LRRC59: variants seen among roughly 807,000 people sequenced by gnomAD.
LRRC59 encodes leucine-rich repeat-containing protein 59.
LRRC59 carries 18 observed loss-of-function variants against 33.5 expected under a neutral mutation model. The observed-to-expected ratio is 0.54, with a 90% CI of 0.37 to 0.80. The LOEUF is 0.80. LRRC59 is among the 30% of genes least tolerant of loss of function. The probability of loss-of-function intolerance (pLI) is 0.00; values close to 1 mark genes in which losing one functional copy is unlikely to be tolerated. For missense variants in LRRC59, 330 were observed against 391.9 expected (o/e 0.84, Z 1.33); for synonymous variants, 138 against 160.0 (o/e 0.86, Z 1.04).
intron 4 of LRRC59, among the ~76,000 whole-genome samples, chr17:50,389,452 A>G (rs1480524165): frequency 6.6e-6 from 1 of 152,178 alleles, no homozygotes; most frequent in Non-Finnish European, 1.5e-5. Flanking sequence ...TCTGATCGAG[A>G]AAACAGAGAT....
intron 4 of LRRC59, among the ~76,000 whole-genome samples, chr17:50,390,467 G>A (rs1567821685): frequency 1.3e-5 from 2 of 151,848 alleles, no homozygotes; most frequent in Admixed American, 6.6e-5. Context: ...CCTCCAGCTT[G>A]GGTGACAGAG....
At chr17:50,386,518 T>C (rs559158553) in intron 5 of LRRC59, among the ~76,000 whole-genome samples, 1 of 152,340 alleles carries the variant, frequency 6.6e-6, no homozygotes, top group East Asian at 1.9e-4. Context: ...TGAATAGTAC[T>C]ACTGTAAATA....
In LRRC59 at chr17:50,385,172, C is replaced by T. The variant is rs200599219; in HGVS notation, c.622G>A (p.Ala208Thr). Reference protein sequence around the residue: ...RRRKEYDALKAAKREQEKKPK... With the variant: ...RRRKEYDALKTAKREQEKKPK... ...TTCTTCTCCTGCTCCCGCTTGGCTG[C>T]TTTGAGGGCATCATACTCCTTTCTC... The change falls in exon 6 of 7, where the codon GCA becomes ACA. Residue 208 changes from alanine (A) to threonine (T), a missense_variant. Coordinates refer to ENST00000225972, the MANE Select transcript of LRRC59 (RefSeq NM_018509.4). The T allele has an allele frequency of 6.2e-7, 1 of 1,614,186 alleles. No individual in the cohort carries two copies. The highest frequency in any genetic ancestry group is 8.5e-7 in the Non-Finnish European group (1 of 1,180,048).
chr17:50,391,190 C>T (rs746346051), intron 4 of LRRC59, among the ~76,000 whole-genome samples: 15 of 152,206 alleles, frequency 9.9e-5, no homozygotes, highest in Admixed American at 2.0e-4. Flanking sequence ...ATCACTCCTA[C>T]AGCACCTAGT....
intron 4 of LRRC59, 49 bp from the exon 5 acceptor site, chr17:50,388,181 C>G: frequency 6.4e-7 from 1 of 1,551,610 alleles, no homozygotes; most frequent in African/African-American, 1.4e-5. Flanking sequence ...CATGTTTGCT[C>G]AGGGAAGTCT....
intron 6 of LRRC59, among the ~76,000 whole-genome samples, 188 bp from the exon 7 acceptor site, chr17:50,383,423 G>A (rs374559722): frequency 3.9e-5 from 6 of 152,152 alleles, no homozygotes; most frequent in African/African-American, 1.4e-4. Flanking sequence ...GGATCTGAAG[G>A]GGGTAGATTT....
chr17:50,382,904 TAA>T lies in LRRC59; in HGVS notation c.*82_*83del, dbSNP rs2143349514. On this transcript the variant is annotated 3_prime_UTR_variant, in exon 7 of 7. Transcript: ENST00000225972. Reference sequence around the variant, plus strand: ...TGATGATGGCAGGTAGGTCTGATGCTAAAAAGAGGTTGTGTCCAGCAGAACCC... The same window carrying T: ...TGATGATGGCAGGTAGGTCTGATGCTAAAGAGGTTGTGTCCAGCAGAACCC... 1.3e-6 allele frequency: 2 copies of T among 1,531,730 alleles called. No homozygotes were observed. Among genetic ancestry groups the T allele is most frequent in the Admixed American group, 1.9e-5 (1 of 52,026 alleles). 94.9% of individuals were successfully genotyped at this position (1,531,730 alleles called of 1,614,324 possible). A position where few individuals can be genotyped will look rare whatever the true frequency, so the allele number is the denominator to read the frequency against.
chr17:50,395,757 T>C (rs1283378596), intron 1 of LRRC59, among the ~76,000 whole-genome samples: 3 of 151,810 alleles, frequency 2.0e-5, no homozygotes, highest in Non-Finnish European at 2.9e-5. Flanking sequence ...CTACTAAAAA[T>C]AGAAAATTAG....
chr17:50,393,087 G>A (rs1373053638), intron 2 of LRRC59, among the ~76,000 whole-genome samples, 190 bp from the exon 3 acceptor site: 1 of 152,140 alleles, frequency 6.6e-6, no homozygotes, highest in Non-Finnish European at 1.5e-5. Context: ...GCCCAGGGAA[G>A]CCACAAGATT....
chr17:50,383,153 C>T lies in LRRC59; in HGVS notation c.759G>A (p.Leu253=). The T allele has an allele frequency of 6.3e-7, 1 of 1,577,990 alleles. No individual in the cohort carries two copies. The highest frequency in any genetic ancestry group is 2.3e-5 in the East Asian group (1 of 43,730). The change falls in exon 7 of 7, where the codon CTG becomes CTA. Residue 253 remains leucine, a synonymous_variant. Transcript: ENST00000225972. ...CTCCCGCCACACCAAATAGCAGCAG[C>T]AGCAGCAGCAGCTTCAGCACAGCCC... ...RSWAVLKLLL[L]LLLFGVAGGL...
At chr17:50,390,981 T>C (rs1381668341) in intron 4 of LRRC59, among the ~76,000 whole-genome samples, 1 of 152,252 alleles carries the variant, frequency 6.6e-6, no homozygotes, top group African/African-American at 2.4e-5. Context: ...CAATTTCCTA[T>C]GGTTCCACAT....
chr17:50,383,907 A>G (rs1436956882), intron 6 of LRRC59, among the ~76,000 whole-genome samples: 1 of 151,270 alleles, frequency 6.6e-6, no homozygotes, highest in Non-Finnish European at 1.5e-5. Context: ...CCTTATCACT[A>G]CCCTGTATGA....
rs977046531 is a variant in LRRC59 at position 50,393,521 on chromosome 17, C to T, written c.166-624G>A. 3.3e-5 allele frequency among the ~76,000 whole-genome samples: 5 copies of T among 152,228 alleles called. No homozygotes were observed. In the South Asian group the frequency reaches 1.0e-3, roughly 31 times the overall value. On this transcript the variant is annotated intron_variant, in intron 2 of 6. Coordinates refer to ENST00000225972, the MANE Select transcript of LRRC59 (RefSeq NM_018509.4). ...GCAGCACCTAGCACAGTACTTAACA[C>T]AGGTGCTCAACAGACATTCTGTGAA...
At chr17:50,392,609 C>T (rs1218285579) in intron 3 of LRRC59, 107 bp from the exon 4 acceptor site, 2 of 1,457,458 alleles carry the variant, frequency 1.4e-6, no homozygotes, top group East Asian at 2.3e-5. Flanking sequence ...CTGTGTTCCA[C>T]ATATAGGGAG....
At chr17:50,394,375 T>C (rs936211934) in intron 2 of LRRC59, among the ~76,000 whole-genome samples, 2 of 152,166 alleles carry the variant, frequency 1.3e-5, no homozygotes, top group African/African-American at 4.8e-5. Context: ...GCAGACGTTG[T>C]GCAAGAAAAA....
At position 50,392,954 on chromosome 17, in the gene LRRC59, C is replaced by T. The variant is rs937031743; in HGVS notation, c.166-57G>A. ...TTGTCCAACACACGAGCCACGACAG[C>T]TTTAAATGTGGCCCAATACAAATTT... is the stretch of plus-strand genomic sequence containing the variant. On this transcript the variant is annotated intron_variant, in intron 2 of 6. Coordinates refer to ENST00000225972, the MANE Select transcript of LRRC59 (RefSeq NM_018509.4). 4.6e-5 allele frequency: 70 copies of T among 1,508,110 alleles called. 1 individual carries two copies. The highest frequency in any genetic ancestry group is 1.7e-4 in the Middle Eastern group (1 of 5,726). The allele number at this position is 1,508,110 out of a possible 1,614,324, so 93.4% of individuals were successfully genotyped here. A position where few individuals can be genotyped will look rare whatever the true frequency, so the allele number is the denominator to read the frequency against.
chr17:50,393,205 C>T (rs1202641021), intron 2 of LRRC59, among the ~76,000 whole-genome samples: 2 of 152,142 alleles, frequency 1.3e-5, no homozygotes, highest in African/African-American at 4.8e-5. Context: ...TGTTAGCAGC[C>T]GTTCTTCCTC....
intron 5 of LRRC59, among the ~76,000 whole-genome samples, chr17:50,387,180 C>G (rs1458642185): frequency 1.3e-5 from 2 of 152,094 alleles, no homozygotes; most frequent in Non-Finnish European, 2.9e-5. Context: ...AATGGCTACT[C>G]TAATCCAGTG....
chr17:50,395,765 T>C (rs1023365562), intron 1 of LRRC59, among the ~76,000 whole-genome samples: 3 of 151,762 alleles, frequency 2.0e-5, no homozygotes, highest in Non-Finnish European at 4.4e-5. Context: ...AATAGAAAAT[T>C]AGCCAGGCAT....
Sources: gnomAD v4.1 joint callset for allele counts (sites outside exome capture counted in the v4.1 genomes callset) on GRCh38, gnomAD v4.1.1 for gene constraint, MANE v1.5 for transcripts, NCBI Gene and HGNC (gene_info 2026-07-23, HGNC 2026-07-21) for gene names.